The following DAZL variants were observed in gnomAD, a reference collection of about 807,000 sequenced individuals.
DAZL encodes the protein deleted in azoospermia like.
A neutral mutation model predicts 45.0 loss-of-function variants in DAZL; 4 were observed. That is an observed-to-expected ratio of 0.09 (90% CI 0.04 to 0.20). DAZL has a LOEUF of 0.20. Among genes scored for constraint, DAZL ranks in the 10% least tolerant of loss-of-function variants. The pLI is 1.00. For missense variants in DAZL, 326 were observed against 351.3 expected, an observed-to-expected ratio of 0.93 and a Z score of 0.58; for synonymous variants, 122 against 112.4, an observed-to-expected ratio of 1.09 and a Z score of -0.54.
chr3:16,588,753 T>G (rs560701351), intron 10 of DAZL, 40 bp from the exon 11 acceptor site: 4 of 1,536,608 alleles, frequency 2.6e-6, no homozygotes, highest in Non-Finnish European at 3.6e-6. Flanking sequence ...TTACTGAAAA[T>G]TTCTGATTAC....
chr3:16,598,346 A>C, intron 2 of DAZL, 106 bp downstream of exon 2: 1 of 1,506,880 alleles, frequency 6.6e-7, no homozygotes, highest in East Asian at 2.3e-5. Context: ...TGTAAAACCA[A>C]TTCTAAACCT....
chr3:16,592,009 C>T (rs761459848), intron 10 of DAZL, 41 bp downstream of exon 10: 2 of 1,585,098 alleles, frequency 1.3e-6, no homozygotes, highest in East Asian at 2.2e-5. Context: ...TTAAAGCTAA[C>T]AAGTGTGCTT....
chr3:16,597,391 G>A, intron 4 of DAZL, 99 bp downstream of exon 4: 1 of 889,808 alleles, frequency 1.1e-6, no homozygotes, highest in South Asian at 1.4e-5. Flanking sequence ...TGACCAGAAA[G>A]TGTATCGTCT....
chr3:16,600,265 A>G (rs1316390667), intron 1 of DAZL, among the ~76,000 whole-genome samples: 1 of 152,196 alleles, frequency 6.6e-6, no homozygotes, highest in Non-Finnish European at 1.5e-5. Flanking sequence ...ATAGGAATTA[A>G]TAAGAAAGTA....
At chr3:16,592,605 G>A (rs1694538775) in intron 9 of DAZL, among the ~76,000 whole-genome samples, 1 of 151,466 alleles carries the variant, frequency 6.6e-6, no homozygotes. Context: ...ATAAAAATGT[G>A]ATTCATAATT....
chr3:16,596,953 T>C (rs1383916524), intron 5 of DAZL, 35 bp downstream of exon 5: 2 of 1,613,122 alleles, frequency 1.2e-6, no homozygotes, highest in East Asian at 2.2e-5. Context: ...CAATTTCTTT[T>C]ATGTTTAAAA....
intron 3 of DAZL, 83 bp from the exon 4 acceptor site, chr3:16,597,624 T>C: frequency 1.2e-6 from 1 of 853,638 alleles, no homozygotes. Flanking sequence ...GAAGTGATCA[T>C]GACTAAAATA....
chr3:16,601,402 T>C (rs1694687330), intron 1 of DAZL, among the ~76,000 whole-genome samples: 1 of 152,172 alleles, frequency 6.6e-6, no homozygotes, highest in East Asian at 1.9e-4. Flanking sequence ...ACATCTTAAA[T>C]TAAGGAGGCA....
intron 1 of DAZL, among the ~76,000 whole-genome samples, chr3:16,599,819 G>A (rs1212561523): frequency 6.6e-6 from 1 of 152,160 alleles, no homozygotes; most frequent in Admixed American, 6.5e-5. Context: ...AATTTAGTCA[G>A]GAGATCTAGG....
chr3:16,595,282 A>G, intron 7 of DAZL, 32 bp downstream of exon 7: 1 of 1,274,134 alleles, frequency 7.8e-7, no homozygotes, highest in Non-Finnish European at 1.1e-6. Flanking sequence ...ATAAAATCTG[A>G]AAGTAAATCA....
chr3:16,596,666 C>T, intron 6 of DAZL, 84 bp downstream of exon 6: 1 of 1,452,450 alleles, frequency 6.9e-7, no homozygotes, highest in Non-Finnish European at 9.6e-7. Context: ...GCCATTACCA[C>T]TTACTACAGA....
Position 16,604,177 on chromosome 3 carries a change from G to A in DAZL, c.3+1026C>T, listed in dbSNP as rs73142536. Among the ~76,000 whole-genome samples, 1,211 of 152,212 alleles carry A rather than the reference G, an allele frequency of 8.0e-3. 9 individuals are homozygous for A. Among genetic ancestry groups the A allele is most frequent in the African/African-American group, 0.027 (1,123 of 41,528 alleles). On this transcript the variant is annotated intron_variant, in intron 1 of 10. Coordinates refer to ENST00000399444, the MANE Select transcript of DAZL (RefSeq NM_001351.4). ...ACTGTGTATAAATTTCCTCCCTGAA[G>A]AGACTGAGAATTATCAATGCAGACA...
intron 8 of DAZL, 152 bp downstream of exon 8, chr3:16,594,381 T>A (rs1694565593): frequency 3.2e-6 from 2 of 626,096 alleles, no homozygotes; most frequent in Non-Finnish European, 5.3e-6. Context: ...CTAACTGGGT[T>A]AAAAAGAAAG....
In DAZL at chr3:16,595,326, T is replaced by A; in HGVS notation, c.558A>T (p.Val186=). Reference sequence around the variant, plus strand: ...CCTTTTAAATTACCTGATAATTATATACAGGCAACTGATATCCAGTGATGA... The same window carrying A: ...CCTTTTAAATTACCTGATAATTATAAACAGGCAACTGATATCCAGTGATGA... ...VQVITGYQLP[V]YNYQMPPQWP... Residue 186 remains valine, a synonymous_variant, in exon 7 of 11, where the codon GTA becomes GTT. Transcript: ENST00000399444. 6.4e-7 allele frequency: 1 copy of A among 1,552,304 alleles called. No individual in the cohort carries two copies. Among genetic ancestry groups the A allele is most frequent in the Non-Finnish European group, 8.8e-7 (1 of 1,140,372 alleles).
intron 9 of DAZL, 92 bp from the exon 10 acceptor site, chr3:16,592,240 T>A: frequency 6.5e-7 from 1 of 1,534,278 alleles, no homozygotes; most frequent in Non-Finnish European, 8.9e-7. Flanking sequence ...AATATATTAC[T>A]TTATTTCTAA....
intron 1 of DAZL, chr3:16,604,311 A>G: frequency 1.2e-6 from 1 of 826,380 alleles, no homozygotes; most frequent in Non-Finnish European, 1.9e-6. Flanking sequence ...CCAAACTCAC[A>G]AAAACGCACA....
chr3:16,592,078 G>A lies in DAZL; in HGVS notation c.806C>T (p.Ser269Phe), dbSNP rs1422386786. ...GAAGTAGTCATCTTGAGTAACAACA[G>A]AGTTTCTCAGTCTGTTCTCTGGATT... ...LFNPENRLRNSVVTQDDYFKD... is the reference protein window; with the variant it reads ...LFNPENRLRNFVVTQDDYFKD... The change falls in exon 10 of 11, where the codon TCT becomes TTT. Residue 269 changes from serine (S) to phenylalanine (F), a missense_variant. Coordinates refer to ENST00000399444, the MANE Select transcript of DAZL (RefSeq NM_001351.4). The A allele has an allele frequency of 6.2e-7, 1 of 1,613,662 alleles. No homozygotes were observed. The highest frequency in any genetic ancestry group is 8.5e-7 in the Non-Finnish European group (1 of 1,179,718).
chr3:16,596,937 G>A, intron 5 of DAZL, 48 bp from the exon 6 acceptor site: 1 of 1,612,948 alleles, frequency 6.2e-7, no homozygotes, highest in Non-Finnish European at 8.5e-7. Context: ...TCTTTGAAAA[G>A]CTACACAATT....
intron 1 of DAZL, among the ~76,000 whole-genome samples, chr3:16,599,241 AT>A (rs1386123685): frequency 6.6e-6 from 1 of 152,180 alleles, no homozygotes; most frequent in African/African-American, 2.4e-5. Context: ...CAAAATTAAA[AT>A]CATCCTGTTC....
Sources: gnomAD v4.1 joint callset for allele counts (sites outside exome capture counted in the v4.1 genomes callset) on GRCh38, gnomAD v4.1.1 for gene constraint, MANE v1.5 for transcripts, NCBI Gene and HGNC (gene_info 2026-07-23, HGNC 2026-07-21) for gene names.